Variants in PAK1 observed in about 807,000 individuals in gnomAD.
PAK1 encodes p21 (RAC1) activated kinase 1, also known as serine/threonine-protein kinase PAK 1.
A neutral mutation model predicts 67.4 loss-of-function variants in PAK1; 29 were observed. The ratio of observed to expected loss-of-function variants is 0.43; its 90% CI spans 0.32 to 0.59. PAK1 has a LOEUF of 0.59. Among genes scored for constraint, PAK1 ranks in the 20% least tolerant of loss-of-function variants. PAK1 has a pLI of 0.07. For synonymous variants in PAK1, 223 were observed against 237.4 expected, an observed-to-expected ratio of 0.94 and a Z score of 0.56; for missense variants, 337 against 670.7, an observed-to-expected ratio of 0.50 and a Z score of 5.50.
At chr11:77,484,586 A>G in the PAK1 span, among the ~76,000 whole-genome samples, 1 of 152,204 alleles carries the variant, frequency 6.6e-6, no homozygotes, top group African/African-American at 2.4e-5. Flanking sequence ...GAAGTTGGGC[A>G]GAGATTGTCT....
chr11:77,488,139 C>A, the PAK1 span, among the ~76,000 whole-genome samples: 2 of 152,232 alleles, frequency 1.3e-5, no homozygotes, highest in Non-Finnish European at 2.9e-5. Flanking sequence ...ACTTGGTAAT[C>A]TGGATAATGC....
chr11:77,361,219 T>C (rs749416245), intron 5 of PAK1, among the ~76,000 whole-genome samples: 19 of 152,266 alleles, frequency 1.2e-4, no homozygotes, highest in Non-Finnish European at 2.4e-4. Flanking sequence ...TTAGATACGA[T>C]AGGCACAGGC....
chr11:77,462,714 C>A (rs1053460211), intron 1 of PAK1, among the ~76,000 whole-genome samples: 1 of 151,908 alleles, frequency 6.6e-6, no homozygotes, highest in African/African-American at 2.4e-5. Context: ...CACCTATAAT[C>A]CCAGCTACTT....
intron 3 of PAK1, 23 bp downstream of exon 3, chr11:77,379,871 C>G: frequency 6.6e-7 from 1 of 1,509,464 alleles, no homozygotes; most frequent in Non-Finnish European, 9.2e-7. Flanking sequence ...AGACTAAAGA[C>G]CTTTCTGTGA....
chr11:77,379,888 A>T lies in PAK1; in HGVS notation c.291+6T>A. 6.2e-7 allele frequency: 1 copy of T among 1,600,096 alleles called. No homozygotes were observed. Among genetic ancestry groups the T allele is most frequent in the Non-Finnish European group, 8.6e-7 (1 of 1,167,500 alleles). The stretch of plus-strand genomic sequence containing the variant: ...ACTAAAGACCTTTCTGTGACCCAGG[A>T]CTTACCGTAAACTCCCCTGTGACAG... On this transcript the variant is annotated splice_donor_region_variant and intron_variant, in intron 3 of 14. Coordinates refer to ENST00000356341, the MANE Select transcript of PAK1 (RefSeq NM_002576.5).
At chr11:77,390,754 G>A (rs1358260875) in intron 2 of PAK1, among the ~76,000 whole-genome samples, 4 of 144,396 alleles carry the variant, frequency 2.8e-5, no homozygotes, top group Non-Finnish European at 6.1e-5. Context: ...CTCCCACCTC[G>A]GCCTCCCAAA....
the PAK1 span, among the ~76,000 whole-genome samples, chr11:77,495,161 C>CA: frequency 9.5e-4 from 129 of 135,684 alleles, no homozygotes; most frequent in South Asian, 2.8e-3. Context: ...GACTCTGTCT[C>CA]AAAAAAAAAA....
At chr11:77,423,408 C>CAG (rs1955384912) in intron 1 of PAK1, among the ~76,000 whole-genome samples, 2 of 146,410 alleles carry the variant, frequency 1.4e-5, no homozygotes. Flanking sequence ...CAAATACACA[C>CAG]ACACACACAC....
rs1446551257 is a variant in PAK1, at chr11:77,392,528, A to G, written c.-8T>C. The stretch of plus-strand genomic sequence containing the variant: ...TAGGCCGTTATTTGACATTGTCACC[A>G]CCAGCAGCAGCTACTAGAATCAGAA... On this transcript the variant is annotated 5_prime_UTR_variant, in exon 2 of 15. Transcript: ENST00000356341. 1 of 1,585,092 alleles carries G rather than the reference A, an allele frequency of 6.3e-7. No individual in the cohort carries two copies. The highest frequency in any genetic ancestry group is 8.6e-7 in the Non-Finnish European group (1 of 1,160,472).
chr11:77,376,786 A>G (rs1949149588), intron 4 of PAK1, among the ~76,000 whole-genome samples: 1 of 152,084 alleles, frequency 6.6e-6, no homozygotes, highest in African/African-American at 2.4e-5. Context: ...AATACTTGAC[A>G]AAAAAATTAG....
chr11:77,454,262 A>G (rs1392090687), intron 1 of PAK1, among the ~76,000 whole-genome samples: 2 of 152,040 alleles, frequency 1.3e-5, no homozygotes, highest in African/African-American at 4.8e-5. Context: ...TCAATGAGGT[A>G]AAAAGACCAG....
intron 5 of PAK1, among the ~76,000 whole-genome samples, chr11:77,363,600 T>C (rs534271099): frequency 6.6e-6 from 1 of 152,360 alleles, no homozygotes; most frequent in Admixed American, 6.5e-5. Flanking sequence ...GTCTTCCTCA[T>C]TGCTTTTTGG....
At chr11:77,409,127 C>G (rs1268962831) in intron 1 of PAK1, among the ~76,000 whole-genome samples, 1 of 152,092 alleles carries the variant, frequency 6.6e-6, no homozygotes, top group African/African-American at 2.4e-5. Context: ...TTTTTATTAG[C>G]CAGGCATGCT....
chr11:77,369,895 T>C (rs1349765768), intron 5 of PAK1, among the ~76,000 whole-genome samples: 1 of 152,200 alleles, frequency 6.6e-6, no homozygotes, highest in Non-Finnish European at 1.5e-5. Flanking sequence ...ACTTATCTAC[T>C]TCCTCTGGGG....
At chr11:77,323,705 G>A (rs989892596) in intron 14 of PAK1, among the ~76,000 whole-genome samples, 3 of 152,016 alleles carry the variant, frequency 2.0e-5, no homozygotes, top group Non-Finnish European at 4.4e-5. Flanking sequence ...CAAGAGAATG[G>A]AAAAATGAAT....
chr11:77,516,056 T>C, the PAK1 span, among the ~76,000 whole-genome samples: 10 of 152,196 alleles, frequency 6.6e-5, no homozygotes, highest in African/African-American at 2.4e-4. Context: ...TCTGTGCCAT[T>C]TGTTTTTAGC....
Position 77,392,324 on chromosome 11 carries a change from A to G in PAK1, c.190+7T>C. 1 of 1,554,470 alleles carries G rather than the reference A, an allele frequency of 6.4e-7. No individual in the cohort carries two copies. The highest frequency in any genetic ancestry group is 8.7e-7 in the Non-Finnish European group (1 of 1,143,582). On this transcript the variant is annotated splice_region_variant and intron_variant, in intron 2 of 14. Coordinates refer to ENST00000356341, the MANE Select transcript of PAK1 (RefSeq NM_002576.5). ...ATAAATGATGAGAAGAAAATCAAAT[A>G]CTATACTTTTATCTCCAGGTAAAAT...
intron 1 of PAK1, among the ~76,000 whole-genome samples, chr11:77,422,824 T>C (rs1955341715): frequency 6.6e-6 from 1 of 152,206 alleles, no homozygotes; most frequent in Non-Finnish European, 1.5e-5. Context: ...TTTCCGCCCC[T>C]TTCTTCTTTT....
chr11:77,432,583 A>T (rs541840906), intron 1 of PAK1, among the ~76,000 whole-genome samples: 9 of 152,348 alleles, frequency 5.9e-5, no homozygotes, highest in Non-Finnish European at 1.2e-4. Context: ...GCTTAAACCC[A>T]AGAAATCAAG....
Sources: gnomAD v4.1 joint callset for allele counts (sites outside exome capture counted in the v4.1 genomes callset) on GRCh38, gnomAD v4.1.1 for gene constraint, MANE v1.5 for transcripts, NCBI Gene and HGNC (gene_info 2026-07-23, HGNC 2026-07-21) for gene names.